Variants in MSR1 observed in about 807,000 individuals in gnomAD.
MSR1 encodes macrophage scavenger receptor types I and II.
Under a neutral mutation model 47.2 loss-of-function variants are expected in MSR1, and 53 were observed. The observed-to-expected ratio is 1.12, with a 90% CI of 0.90 to 1.41. The LOEUF (loss-of-function observed/expected upper bound fraction) is 1.41, where lower values mean the gene tolerates loss of function less well. MSR1 is among the 40% of genes most tolerant of loss of function. The probability of loss-of-function intolerance (pLI) is 0.00; values close to 1 mark genes in which losing one functional copy is unlikely to be tolerated. For missense variants in MSR1, 786 were observed against 546.9 expected (o/e 1.44, Z -4.36); for synonymous variants, 239 against 185.6 (o/e 1.29, Z -2.34).
At chr8:16,160,893 G>A (rs571870848) in intron 5 of MSR1, among the ~76,000 whole-genome samples, 1 of 152,020 alleles carries the variant, frequency 6.6e-6, no homozygotes, top group African/African-American at 2.4e-5. Context: ...ACAGGTGACA[G>A]ACCAAGTAGA....
At chr8:16,155,434 A>G (rs779562659) in intron 5 of MSR1, among the ~76,000 whole-genome samples, 1 of 152,022 alleles carries the variant, frequency 6.6e-6, no homozygotes, top group Admixed American at 6.6e-5. Flanking sequence ...CAGAGAAAAG[A>G]CAGCAGGCTG....
Position 16,175,261 on chromosome 8 carries a change from G to A in MSR1, c.143C>T (p.Ser48Phe). ...AAGGGCAATCAGTGCAGCTTTGAAG[G>A]ACTTCAGTTTCTCTTGAAGGGAAGG... is the stretch of plus-strand genomic sequence containing the variant. ...NSPSLQEKLK[S>F]FKAALIALYL... Residue 48 changes from serine to phenylalanine, a missense_variant, in exon 3 of 10, where the codon TCC (serine) becomes TTC (phenylalanine). By Grantham distance (155) the Ser-to-Phe change is radical. Transcript: ENST00000262101. 17 of 1,614,048 alleles carry A rather than the reference G, an allele frequency of 1.1e-5. No homozygotes were observed. The highest frequency in any genetic ancestry group is 1.4e-5 in the Non-Finnish European group (16 of 1,179,970).
At chr8:16,177,822 A>G (rs1801695413) in intron 2 of MSR1, 64 bp downstream of exon 2, 1 of 1,327,766 alleles carries the variant, frequency 7.5e-7, no homozygotes, top group Non-Finnish European at 1.1e-6. Context: ...CAAGACTATA[A>G]TTTTATATTT....
intron 1 of MSR1, among the ~76,000 whole-genome samples, chr8:16,190,206 A>G (rs1259515111): frequency 6.6e-6 from 1 of 152,068 alleles, no homozygotes; most frequent in Non-Finnish European, 1.5e-5. Flanking sequence ...CATTATTTTC[A>G]TAATTTAGCT....
At chr8:16,185,341 A>C (rs879764935) in intron 1 of MSR1, among the ~76,000 whole-genome samples, 1 of 152,190 alleles carries the variant, frequency 6.6e-6, no homozygotes, top group East Asian at 1.9e-4. Context: ...CAATCTCAGC[A>C]TCAGCTTTTG....
chr8:16,148,420 G>A (rs1368528463), intron 7 of MSR1, among the ~76,000 whole-genome samples: 1 of 152,078 alleles, frequency 6.6e-6, no homozygotes, highest in Non-Finnish European at 1.5e-5. Context: ...CCACAGAAAA[G>A]CCAGCACATT....
intron 9 of MSR1, among the ~76,000 whole-genome samples, chr8:16,115,523 A>C (rs996834360): frequency 1.3e-5 from 2 of 152,208 alleles, no homozygotes; most frequent in Non-Finnish European, 2.9e-5. Flanking sequence ...TACAATATCC[A>C]GTGAAGTAGA....
At chr8:16,123,792 T>C (rs921732240) in intron 8 of MSR1, among the ~76,000 whole-genome samples, 7 of 152,128 alleles carry the variant, frequency 4.6e-5, no homozygotes, top group Non-Finnish European at 1.0e-4. Flanking sequence ...TTAAGGACAC[T>C]GGATGTTTCA....
chr8:16,152,845 G>C (rs1197207788), intron 6 of MSR1, among the ~76,000 whole-genome samples: 1 of 151,918 alleles, frequency 6.6e-6, no homozygotes. Flanking sequence ...TTCTGTATCT[G>C]TTTACACATA....
intron 8 of MSR1, among the ~76,000 whole-genome samples, chr8:16,125,937 T>C (rs1489096062): frequency 3.3e-5 from 5 of 152,090 alleles, no homozygotes; most frequent in African/African-American, 1.2e-4. Flanking sequence ...CAGCCAAAAT[T>C]ATATCTCTTA....
chr8:16,162,831 T>G (rs2117165772), intron 5 of MSR1, among the ~76,000 whole-genome samples: 1 of 152,096 alleles, frequency 6.6e-6, no homozygotes, highest in East Asian at 1.9e-4. Flanking sequence ...ATAGCTTATC[T>G]TCTTTCTCTT....
chr8:16,132,001 T>C (rs1800271848), intron 8 of MSR1, among the ~76,000 whole-genome samples: 2 of 151,908 alleles, frequency 1.3e-5, no homozygotes, highest in African/African-American at 4.8e-5. Context: ...CAATAGGGTT[T>C]TTTTTTTTTC....
chr8:16,145,975 A>C (rs10503573), intron 7 of MSR1, among the ~76,000 whole-genome samples: 15,313 of 152,166 alleles, frequency 0.1, 1,151 homozygotes, highest in East Asian at 0.34. Context: ...TTCAAAAGTA[A>C]GAACCAGGTC....
intron 3 of MSR1, among the ~76,000 whole-genome samples, chr8:16,169,425 C>T (rs1801417791): frequency 6.6e-6 from 1 of 152,052 alleles, no homozygotes; most frequent in African/African-American, 2.4e-5. Flanking sequence ...TAATACAGAC[C>T]TAATTCACAG....
rs1451725109 is a variant in MSR1 at position 16,164,186 on chromosome 8, T to C, written c.696A>G (p.Glu232=). 6.2e-7 allele frequency: 1 copy of C among 1,612,456 alleles called. No individual in the cohort carries two copies. Among genetic ancestry groups the C allele is most frequent in the East Asian group, 2.2e-5 (1 of 44,708 alleles). Residue 232 remains glutamate (E), a synonymous_variant, in exon 5 of 10, where the codon GAA becomes GAG. Coordinates refer to ENST00000262101, the MANE Select transcript of MSR1 (RefSeq NM_138715.3). ...TTATTTCCTGTTCCAAATGCACTTG[T>C]TCTTCTTTCATAGCCATAATTTCTG... ...VSAEIMAMKE[E]QVHLEQEIKG... is the part of the protein sequence containing the mutation.
chr8:16,168,054 G>C (rs186231679), intron 4 of MSR1, among the ~76,000 whole-genome samples: 2 of 151,528 alleles, frequency 1.3e-5, no homozygotes, highest in African/African-American at 4.9e-5. Context: ...CAAAAGTTCT[G>C]AGTGAAACTT....
chr8:16,127,417 G>A (rs559428524), intron 8 of MSR1, among the ~76,000 whole-genome samples: 1 of 152,158 alleles, frequency 6.6e-6, no homozygotes, highest in African/African-American at 2.4e-5. Flanking sequence ...ACAAGATAGT[G>A]AGTTTGATCC....
chr8:16,155,060 A>C lies in MSR1; in HGVS notation c.898+4T>G. 4.4e-6 allele frequency: 7 copies of C among 1,607,594 alleles called. No homozygotes were observed. The highest frequency in any genetic ancestry group is 5.1e-6 in the Non-Finnish European group (6 of 1,174,630). On this transcript the variant is annotated splice_donor_region_variant and intron_variant, in intron 6 of 9. Transcript: ENST00000262101. ...ATATGATTAAATAGCTAAAATTACC[A>C]TACCTATTGGACCTGGAAATCCTCG...
At chr8:16,119,539 TA>T (rs1279571165) in intron 9 of MSR1, among the ~76,000 whole-genome samples, 2 of 152,036 alleles carry the variant, frequency 1.3e-5, no homozygotes, top group Non-Finnish European at 1.5e-5. Context: ...ATATGAAAAT[TA>T]TTTTAGGTAA....
Sources: allele counts gnomAD v4.1 joint callset (sites outside exome capture counted in the v4.1 genomes callset), GRCh38; gene constraint gnomAD v4.1.1; transcripts MANE v1.5; gene names NCBI Gene and HGNC (gene_info 2026-07-23, HGNC 2026-07-21).